Variants in PLXDC2 observed in about 807,000 individuals in gnomAD.
The protein encoded by PLXDC2 is plexin domain containing 2, also known as plexin domain-containing protein 2.
A neutral mutation model predicts 68.9 loss-of-function variants in PLXDC2; 40 were observed. That is an observed-to-expected ratio of 0.58 (90% CI 0.45 to 0.76). PLXDC2 has a LOEUF of 0.76. Among genes scored for constraint, PLXDC2 ranks in the 30% least tolerant of loss-of-function variants. The pLI is 0.00. For synonymous variants in PLXDC2, 243 were observed against 234.2 expected (o/e 1.04, Z -0.34); for missense variants, 644 against 661.9 (o/e 0.97, Z 0.30).
Position 20,164,563 on chromosome 10 carries a change from T to A in PLXDC2, c.879T>A (p.Ile293=), listed in dbSNP as rs751920569. The change falls in exon 7 of 14, where the codon ATT becomes ATA. Residue 293 remains isoleucine, a synonymous_variant. Transcript: ENST00000377252. ...TCGTTGTCCACAGGATCCAACAAAT[T>A]CCCAGTACGTAGAAGAAGGGCAGTC... ...AFVVVHRIQQ[I]PNVRRRTIYE... is the part of the protein sequence containing the mutation. 2 of 1,608,672 alleles carry A rather than the reference T, an allele frequency of 1.2e-6. No homozygotes were observed. The highest frequency in any genetic ancestry group is 1.7e-6 in the Non-Finnish European group (2 of 1,175,308).
chr10:19,995,154 C>T (rs11597892), intron 1 of PLXDC2, among the ~76,000 whole-genome samples: 34,174 of 152,098 alleles, frequency 0.22, 4,709 homozygotes, highest in Non-Finnish European at 0.33. Context: ...TGAGACATCT[C>T]TGTATCAGTG....
intron 2 of PLXDC2, among the ~76,000 whole-genome samples, chr10:20,044,298 T>TTCTTTCTTTCTTTC (rs1835758419): frequency 2.2e-5 from 3 of 135,576 alleles, no homozygotes; most frequent in African/African-American, 8.3e-5. Flanking sequence ...TCTTTCTTCT[T>TTCTTTCTTTCTTTC]TCTCTCTCTC....
chr10:19,842,302 T>G (rs1836924482), intron 1 of PLXDC2, among the ~76,000 whole-genome samples: 1 of 152,196 alleles, frequency 6.6e-6, no homozygotes, highest in Non-Finnish European at 1.5e-5. Context: ...ACTCTAGTGT[T>G]ATCTATGTCT....
At chr10:20,210,131 A>G (rs1279979843) in intron 9 of PLXDC2, among the ~76,000 whole-genome samples, 1 of 152,146 alleles carries the variant, frequency 6.6e-6, no homozygotes, top group East Asian at 1.9e-4. Context: ...CAAGACCTTT[A>G]GTGGATGCCT....
chr10:20,250,454 T>C (rs1835661126), intron 13 of PLXDC2, among the ~76,000 whole-genome samples: 1 of 152,156 alleles, frequency 6.6e-6, no homozygotes, highest in Admixed American at 6.5e-5. Flanking sequence ...ATAAAGTGAT[T>C]GACACTTATT....
At chr10:19,985,020 T>C (rs1483212833) in intron 1 of PLXDC2, among the ~76,000 whole-genome samples, 1 of 152,262 alleles carries the variant, frequency 6.6e-6, no homozygotes, top group African/African-American at 2.4e-5. Flanking sequence ...TGAAATGTTA[T>C]TTGTTCATTC....
chr10:19,822,695 T>TA (rs1836492832), intron 1 of PLXDC2, among the ~76,000 whole-genome samples: 1 of 152,170 alleles, frequency 6.6e-6, no homozygotes, highest in Non-Finnish European at 1.5e-5. Context: ...GATGATACCT[T>TA]ATTGTGATTT....
At chr10:20,225,812 A>AT (rs1162136286) in intron 12 of PLXDC2, among the ~76,000 whole-genome samples, 5 of 141,828 alleles carry the variant, frequency 3.5e-5, no homozygotes, top group Admixed American at 6.7e-5. Context: ...CCTGAGCACC[A>AT]ATTTTTTTTT....
At chr10:19,883,393 AC>A (rs1450599763) in intron 1 of PLXDC2, among the ~76,000 whole-genome samples, 1 of 152,098 alleles carries the variant, frequency 6.6e-6, no homozygotes, top group African/African-American at 2.4e-5. Flanking sequence ...TCAAAACTCC[AC>A]CCTCTTCTTT....
chr10:20,012,858 T>C (rs1835143182), intron 2 of PLXDC2, among the ~76,000 whole-genome samples: 1 of 152,214 alleles, frequency 6.6e-6, no homozygotes, highest in African/African-American at 2.4e-5. Flanking sequence ...AATGCATAGA[T>C]GTCTGAATCT....
chr10:20,242,544 G>T (rs1835530817), intron 12 of PLXDC2, among the ~76,000 whole-genome samples: 1 of 152,050 alleles, frequency 6.6e-6, no homozygotes, highest in Non-Finnish European at 1.5e-5. Context: ...TTGGCAATGT[G>T]GTCATTCTAA....
At chr10:20,264,762 G>C (rs549903309) in intron 13 of PLXDC2, among the ~76,000 whole-genome samples, 1 of 151,856 alleles carries the variant, frequency 6.6e-6, no homozygotes, top group Non-Finnish European at 1.5e-5. Context: ...TATTTGAGAG[G>C]TAATGCAAAC....
At chr10:19,910,499 A>G (rs1430568378) in intron 1 of PLXDC2, among the ~76,000 whole-genome samples, 3 of 151,746 alleles carry the variant, frequency 2.0e-5, no homozygotes, top group African/African-American at 2.4e-5. Flanking sequence ...GTGAAATAAT[A>G]AAGGACTGGG....
At chr10:19,970,903 T>C (rs1834341082) in intron 1 of PLXDC2, among the ~76,000 whole-genome samples, 1 of 152,164 alleles carries the variant, frequency 6.6e-6, no homozygotes. Context: ...CTAAACATGT[T>C]CTTCCGTGGG....
At chr10:20,105,481 A>G (rs1301516921) in intron 4 of PLXDC2, among the ~76,000 whole-genome samples, 1 of 122,064 alleles carries the variant, frequency 8.2e-6, no homozygotes, top group African/African-American at 5.4e-5. Context: ...TAAAAAGCAA[A>G]TATTTGTTCG....
chr10:20,197,170 CTT>C (rs1834851171), intron 9 of PLXDC2, among the ~76,000 whole-genome samples: 1 of 152,006 alleles, frequency 6.6e-6, no homozygotes, highest in Non-Finnish European at 1.5e-5. Flanking sequence ...TAATTTTACT[CTT>C]AGGAATTATA....
intron 9 of PLXDC2, among the ~76,000 whole-genome samples, chr10:20,208,364 A>G (rs1382823077): frequency 6.6e-6 from 1 of 152,124 alleles, no homozygotes; most frequent in Admixed American, 6.6e-5. Context: ...AACCCCATAT[A>G]AAGCCATCAG....
At chr10:19,957,350 A>AAT (rs1834087667) in intron 1 of PLXDC2, among the ~76,000 whole-genome samples, 1 of 152,194 alleles carries the variant, frequency 6.6e-6, no homozygotes, top group African/African-American at 2.4e-5. Flanking sequence ...CAGAAAGTTT[A>AAT]ATATAAATAA....
chr10:20,122,451 G>A (rs1433303177), intron 4 of PLXDC2, among the ~76,000 whole-genome samples: 2 of 152,224 alleles, frequency 1.3e-5, no homozygotes, highest in Admixed American at 6.5e-5. Flanking sequence ...AGAAGATCTG[G>A]GAAGGAGTCA....
Sources: gnomAD v4.1 joint callset for allele counts (sites outside exome capture counted in the v4.1 genomes callset) on GRCh38, gnomAD v4.1.1 for gene constraint, MANE v1.5 for transcripts, NCBI Gene and HGNC (gene_info 2026-07-23, HGNC 2026-07-21) for gene names.